Variants in MYO16 observed in about 807,000 individuals in gnomAD.
MYO16 encodes the protein unconventional myosin-XVI.
MYO16 carries 94 observed loss-of-function variants against 205.3 expected under a neutral mutation model. The ratio of observed to expected loss-of-function variants is 0.46; its 90% confidence interval spans 0.39 to 0.54. The LOEUF (loss-of-function observed/expected upper bound fraction) is 0.54. Among genes scored for constraint, MYO16 ranks in the 20% least tolerant of loss-of-function variants. The pLI is 0.00. For synonymous variants in MYO16, 988 were observed against 954.0 expected, an observed-to-expected ratio of 1.04 and a Z score of -0.66; for missense variants, 2,315 against 2,387.5, an observed-to-expected ratio of 0.97 and a Z score of 0.63.
At chr13:108,562,620 G>A in the MYO16 span, among the ~76,000 whole-genome samples, 1 of 152,136 alleles carries the variant, frequency 6.6e-6, no homozygotes, top group Admixed American at 6.5e-5. Context: ...TTTTGGCATA[G>A]ATACAGTCAC....
At chr13:109,031,304 T>G (rs1201374337) in intron 23 of MYO16, among the ~76,000 whole-genome samples, 2 of 152,038 alleles carry the variant, frequency 1.3e-5, no homozygotes, top group Non-Finnish European at 2.9e-5. Context: ...ATTGGCCAGG[T>G]TGGTCTTAAA....
intron 6 of MYO16, among the ~76,000 whole-genome samples, chr13:108,798,767 G>A (rs187257234): frequency 2.2e-5 from 3 of 134,244 alleles, no homozygotes; most frequent in South Asian, 2.5e-4. Flanking sequence ...CTGCAGTGGC[G>A]GAATCTCGGC....
intron 17 of MYO16, among the ~76,000 whole-genome samples, chr13:108,960,841 AT>A (rs150944018): frequency 6.6e-5 from 10 of 152,146 alleles, no homozygotes; most frequent in South Asian, 2.1e-4. Flanking sequence ...TTAAGGTCTC[AT>A]TTTTTTTATG....
chr13:109,033,684 G>A (rs1317329395), intron 23 of MYO16, among the ~76,000 whole-genome samples: 2 of 152,190 alleles, frequency 1.3e-5, no homozygotes, highest in African/African-American at 4.8e-5. Context: ...AAGGGATGCT[G>A]AAGTGATCTA....
intron 22 of MYO16, among the ~76,000 whole-genome samples, chr13:109,016,218 T>G (rs1885811569): frequency 6.6e-6 from 1 of 152,188 alleles, no homozygotes; most frequent in South Asian, 2.1e-4. Flanking sequence ...ATTTCGTGAT[T>G]TACCCAGTAG....
the MYO16 span, among the ~76,000 whole-genome samples, chr13:108,563,712 A>C: frequency 6.6e-6 from 1 of 152,166 alleles, no homozygotes; most frequent in East Asian, 1.9e-4. Context: ...ATTGTTTATA[A>C]GTACCACATT....
chr13:109,173,948 G>T (rs1165708899), intron 33 of MYO16, among the ~76,000 whole-genome samples: 3 of 40,864 alleles, frequency 7.3e-5, no homozygotes, highest in African/African-American at 4.0e-4. Context: ...TTGTTTTGAT[G>T]GGGGGGGGTA....
In MYO16 at chr13:109,055,248, C is replaced by T. The variant is rs61970235; in HGVS notation, c.3129+122C>T. On this transcript the variant is annotated intron_variant, in intron 26 of 34. Coordinates refer to ENST00000457511, the MANE Select transcript of MYO16 (RefSeq NM_001198950.3). This position sits in a 1 kb window ranked among gnomAD's most constrained non-coding sequence, Gnocchi z 5.0. ...TATCTTCACAAAAAAAGTAAACATA[C>T]ACACACACACACACACACACACACA... The T allele has an allele frequency of 4.1e-5, 3 of 73,070 alleles. No individual in the cohort carries two copies. The highest frequency in any genetic ancestry group is 4.2e-5 in the Non-Finnish European group (2 of 48,080). 4.5% of individuals were successfully genotyped at this position (73,070 alleles called of 1,614,324 possible).
intron 10 of MYO16, among the ~76,000 whole-genome samples, chr13:108,845,633 T>C (rs1877479944): frequency 6.6e-6 from 1 of 152,136 alleles, no homozygotes; most frequent in Non-Finnish European, 1.5e-5. Flanking sequence ...GCATTAGGGA[T>C]GGGGGCTTCC....
intron 16 of MYO16, among the ~76,000 whole-genome samples, chr13:108,919,837 A>G (rs1431603298): frequency 6.6e-6 from 1 of 152,262 alleles, no homozygotes; most frequent in Non-Finnish European, 1.5e-5. Flanking sequence ...TCATGTGCTC[A>G]TAAAAAACAT....
chr13:108,967,147 CTA>C (rs34067092), intron 20 of MYO16, among the ~76,000 whole-genome samples: 2,929 of 134,574 alleles, frequency 0.022, 98 homozygotes, highest in African/African-American at 0.077. Context: ...TGTATACTGA[CTA>C]TATATATGTG....
At chr13:109,150,348 G>A (rs1212376753) in intron 32 of MYO16, among the ~76,000 whole-genome samples, 1 of 152,070 alleles carries the variant, frequency 6.6e-6, no homozygotes, top group Non-Finnish European at 1.5e-5. Flanking sequence ...ATATTTGTTG[G>A]GAAAATATAA....
intron 1 of MYO16, among the ~76,000 whole-genome samples, chr13:108,640,654 C>T (rs1412643502): frequency 6.6e-6 from 1 of 151,310 alleles, no homozygotes; most frequent in African/African-American, 2.4e-5. Flanking sequence ...GCCGGTGGTC[C>T]AAAGCCCTCA....
At chr13:109,064,327 T>C (rs1349720133) in intron 27 of MYO16, among the ~76,000 whole-genome samples, 1 of 152,184 alleles carries the variant, frequency 6.6e-6, no homozygotes, top group African/African-American at 2.4e-5. Context: ...TGGTCACCCT[T>C]CCTGCCTCTG....
At chr13:109,093,120 A>G (rs1282552391) in intron 27 of MYO16, among the ~76,000 whole-genome samples, 1 of 152,224 alleles carries the variant, frequency 6.6e-6, no homozygotes, top group Non-Finnish European at 1.5e-5. Flanking sequence ...AATGGGACTC[A>G]TGTTAGATAA....
intron 1 of MYO16, among the ~76,000 whole-genome samples, chr13:108,618,027 T>C (rs1879410699): frequency 6.6e-6 from 1 of 152,176 alleles, no homozygotes; most frequent in Non-Finnish European, 1.5e-5. Flanking sequence ...AGCTATTGCT[T>C]CCTGAGAATT....
the MYO16 span, among the ~76,000 whole-genome samples, chr13:108,527,799 T>C: frequency 1.3e-5 from 2 of 152,258 alleles, no homozygotes; most frequent in Non-Finnish European, 2.9e-5. Flanking sequence ...CTGTTTGTTT[T>C]GCCTACCTTA....
At chr13:108,807,349 A>G (rs1335737210) in intron 7 of MYO16, among the ~76,000 whole-genome samples, 1 of 152,178 alleles carries the variant, frequency 6.6e-6, no homozygotes. Context: ...AAAAGAATGG[A>G]AAGAGTTTGC....
intron 1 of MYO16, among the ~76,000 whole-genome samples, chr13:108,644,408 CT>C (rs1228378236): frequency 3.5e-5 from 5 of 141,224 alleles, no homozygotes. Flanking sequence ...ATCTATCTAT[CT>C]ATCTATCATC....
Sources: allele counts gnomAD v4.1 joint callset (sites outside exome capture counted in the v4.1 genomes callset), GRCh38; gene constraint gnomAD v4.1.1; non-coding constraint Gnocchi (gnomAD v3.1); transcripts MANE v1.5; gene names NCBI Gene and HGNC (gene_info 2026-07-23, HGNC 2026-07-21).